Variants in AUTS2 observed in about 807,000 individuals in gnomAD.
AUTS2 encodes the protein activator of transcription and developmental regulator AUTS2.
AUTS2 carries 17 observed loss-of-function variants against 112.4 expected under a neutral mutation model. The observed-to-expected ratio is 0.15, with a 90% CI of 0.10 to 0.23. The LOEUF is 0.23. Among genes scored for constraint, AUTS2 ranks in the 10% least tolerant of loss-of-function variants. AUTS2 has a pLI of 1.00. For missense variants in AUTS2, 1,510 were observed against 1,701.6 expected (o/e 0.89, Z 1.98); for synonymous variants, 751 against 702.7 (o/e 1.07, Z -1.09).
At chr7:70,739,782 G>A (rs929088013) in intron 6 of AUTS2, among the ~76,000 whole-genome samples, 1 of 139,464 alleles carries the variant, frequency 7.2e-6, no homozygotes, top group Non-Finnish European at 1.5e-5. Context: ...GCACCGTTCT[G>A]TCTTTGGGCA....
intron 2 of AUTS2, among the ~76,000 whole-genome samples, chr7:69,990,833 C>G (rs1295399957): frequency 6.6e-6 from 1 of 152,132 alleles, no homozygotes; most frequent in Non-Finnish European, 1.5e-5. Flanking sequence ...ATATGAAATG[C>G]TGCAGTGAGC....
intron 1 of AUTS2, among the ~76,000 whole-genome samples, chr7:69,802,004 C>T (rs369580650): frequency 1.3e-5 from 2 of 151,988 alleles, no homozygotes; most frequent in East Asian, 3.9e-4. Flanking sequence ...AGGAAGTAAG[C>T]CAGGTGGGTA....
intron 4 of AUTS2, among the ~76,000 whole-genome samples, chr7:70,284,660 A>G (rs1213631334): frequency 6.6e-6 from 1 of 152,230 alleles, no homozygotes; most frequent in Non-Finnish European, 1.5e-5. Flanking sequence ...AAAAGGTCTT[A>G]ATGAACTTCC....
At chr7:70,678,095 AAAT>A (rs922394331) in intron 5 of AUTS2, among the ~76,000 whole-genome samples, 5 of 151,976 alleles carry the variant, frequency 3.3e-5, no homozygotes, top group South Asian at 2.1e-4. Flanking sequence ...AAAAATTAAT[AAAT>A]AATAATAATA....
intron 4 of AUTS2, among the ~76,000 whole-genome samples, chr7:70,325,252 A>G (rs1253632337): frequency 6.6e-6 from 1 of 152,090 alleles, no homozygotes. Context: ...TGAGAACAGG[A>G]GTTTGAGGCT....
chr7:70,165,141 T>C (rs1317484430), intron 4 of AUTS2, among the ~76,000 whole-genome samples: 1 of 152,192 alleles, frequency 6.6e-6, no homozygotes, highest in Non-Finnish European at 1.5e-5. Context: ...ACCTTGAGGA[T>C]AGGCTAATAA....
chr7:70,434,845 G>A (rs1795824550), intron 4 of AUTS2, among the ~76,000 whole-genome samples: 1 of 152,180 alleles, frequency 6.6e-6, no homozygotes, highest in Non-Finnish European at 1.5e-5. Flanking sequence ...TTGACTGAAT[G>A]AATAGATATA....
intron 3 of AUTS2, 107 bp downstream of exon 3, chr7:70,118,340 G>T: frequency 7.7e-7 from 1 of 1,297,394 alleles, no homozygotes; most frequent in East Asian, 2.8e-5. Flanking sequence ...CTCATCTTTA[G>T]AACTTTTTGT....
chr7:69,606,292 G>T (rs1436095439), intron 1 of AUTS2, among the ~76,000 whole-genome samples: 1 of 152,164 alleles, frequency 6.6e-6, no homozygotes, highest in Non-Finnish European at 1.5e-5. Flanking sequence ...AGAATGTTAG[G>T]ATTAGAAATG....
intron 3 of AUTS2, among the ~76,000 whole-genome samples, chr7:70,129,144 T>G (rs1002650117): frequency 6.6e-6 from 1 of 152,298 alleles, no homozygotes; most frequent in Non-Finnish European, 1.5e-5. Context: ...AGTCCCAAGA[T>G]CTACAATCAG....
intron 5 of AUTS2, among the ~76,000 whole-genome samples, chr7:70,576,749 G>A (rs947766755): frequency 2.8e-5 from 4 of 144,822 alleles, no homozygotes; most frequent in African/African-American, 9.9e-5. Context: ...ATGTTTCCTG[G>A]AATAGTCTTT....
chr7:69,611,737 T>A (rs964729200), intron 1 of AUTS2, among the ~76,000 whole-genome samples: 3 of 151,382 alleles, frequency 2.0e-5, no homozygotes, highest in Non-Finnish European at 4.4e-5. Context: ...GAGACCATCC[T>A]GGCTAACAAG....
chr7:70,760,151 A>C (rs577704042), intron 6 of AUTS2, among the ~76,000 whole-genome samples: 3,608 of 151,704 alleles, frequency 0.024, 73 homozygotes, highest in Non-Finnish European at 0.036. Flanking sequence ...GACTACAGGC[A>C]CCCGCCACCA....
At chr7:69,792,024 G>C (rs985844593) in intron 1 of AUTS2, among the ~76,000 whole-genome samples, 15 of 152,094 alleles carry the variant, frequency 9.9e-5, no homozygotes, top group Non-Finnish European at 1.9e-4. Context: ...CCTGCAGGAT[G>C]GTGGGTGGAG....
In AUTS2 at chr7:70,380,281, C is replaced by T. The variant is rs143367663; in HGVS notation, c.661-55471C>T. Among the ~76,000 whole-genome samples, 273 of 152,214 alleles carry T rather than the reference C, an allele frequency of 1.8e-3. 1 individual carries two copies. The highest frequency in any genetic ancestry group is 5.8e-3 in the African/African-American group (239 of 41,512). ...GTTAGTGCAAATACTGGAATATTTG[C>T]TCAAATAGAGACCAAAAGGGCTTAA... On this transcript the variant is annotated intron_variant, in intron 4 of 18. Transcript: ENST00000342771.
intron 4 of AUTS2, among the ~76,000 whole-genome samples, chr7:70,307,727 CT>C (rs1318039751): frequency 2.0e-5 from 3 of 152,174 alleles, no homozygotes; most frequent in African/African-American, 7.2e-5. Context: ...TCTATATGCA[CT>C]GCCTTGCAGT....
At chr7:70,514,436 G>T (rs1480213841) in intron 5 of AUTS2, among the ~76,000 whole-genome samples, 1 of 152,236 alleles carries the variant, frequency 6.6e-6, no homozygotes, top group East Asian at 1.9e-4. Context: ...TTCCAATCAT[G>T]GAAGAAAGCA....
At chr7:69,714,340 T>G (rs1186248255) in intron 1 of AUTS2, among the ~76,000 whole-genome samples, 1 of 151,486 alleles carries the variant, frequency 6.6e-6, no homozygotes, top group Non-Finnish European at 1.5e-5. Context: ...ACTCCTAGGC[T>G]CAATCGATCC....
At chr7:70,673,600 T>A (rs1392450806) in intron 5 of AUTS2, among the ~76,000 whole-genome samples, 2 of 152,152 alleles carry the variant, frequency 1.3e-5, no homozygotes, top group Admixed American at 6.5e-5. Context: ...GGTCTTGAAC[T>A]CCAGGCCTCA....
Sources: gnomAD v4.1 joint callset for allele counts (sites outside exome capture counted in the v4.1 genomes callset) on GRCh38, gnomAD v4.1.1 for gene constraint, MANE v1.5 for transcripts, NCBI Gene and HGNC (gene_info 2026-07-23, HGNC 2026-07-21) for gene names.